Variants in PRKCE observed in about 807,000 individuals in gnomAD.
PRKCE encodes the protein protein kinase C epsilon, also known as protein kinase C epsilon type.
Under a neutral mutation model 85.4 loss-of-function variants are expected in PRKCE, and 16 were observed. The observed-to-expected ratio is 0.19, with a 90% CI of 0.13 to 0.28. The LOEUF is 0.28. Ranked by LOEUF, PRKCE falls within the 10% of genes least tolerant of loss-of-function variation. The probability of loss-of-function intolerance (pLI) is 1.00; values close to 1 mark genes in which losing one functional copy is unlikely to be tolerated. For synonymous variants in PRKCE, 388 were observed against 371.5 expected, an observed-to-expected ratio of 1.04 and a Z score of -0.51; for missense variants, 573 against 975.2, an observed-to-expected ratio of 0.59 and a Z score of 5.49.
intron 1 of PRKCE, among the ~76,000 whole-genome samples, chr2:45,691,598 C>T (rs1677730233): frequency 6.6e-6 from 1 of 152,196 alleles, no homozygotes; most frequent in African/African-American, 2.4e-5. Context: ...CTTGAAAGTG[C>T]ATCAGTATCA....
intron 11 of PRKCE, among the ~76,000 whole-genome samples, chr2:46,119,722 C>T (rs928627593): frequency 6.6e-6 from 1 of 152,150 alleles, no homozygotes; most frequent in Non-Finnish European, 1.5e-5. Flanking sequence ...TTGAGAAACA[C>T]GCATTGTTCC....
At chr2:46,126,400 A>G (rs930237638) in intron 11 of PRKCE, among the ~76,000 whole-genome samples, 40 of 152,206 alleles carry the variant, frequency 2.6e-4, no homozygotes, top group African/African-American at 9.4e-4. Context: ...GAGGAGGTAT[A>G]GTGCCTTGGA....
At chr2:45,743,669 T>C (rs1244405638) in intron 1 of PRKCE, among the ~76,000 whole-genome samples, 2 of 152,242 alleles carry the variant, frequency 1.3e-5, no homozygotes, top group South Asian at 2.1e-4. Flanking sequence ...ACATCCGTAT[T>C]GTGGGCGTGG....
chr2:45,981,951 A>C (rs955476506), intron 5 of PRKCE, among the ~76,000 whole-genome samples: 1 of 152,214 alleles, frequency 6.6e-6, no homozygotes, highest in African/African-American at 2.4e-5. Flanking sequence ...GAGATTTGAA[A>C]TGTTCAGAAC....
In PRKCE at chr2:45,769,972, G is replaced by A. The variant is rs575033347; in HGVS notation, c.349-73028G>A. ...GGTGCAGCAGGCACACGTGCACCCC[G>A]TACTGTCACTCACAGACACATGCCT... On this transcript the variant is annotated intron_variant, in intron 1 of 14. Coordinates refer to ENST00000306156, the MANE Select transcript of PRKCE (RefSeq NM_005400.3). Among the ~76,000 whole-genome samples, 21 of 152,340 alleles carry A rather than the reference G, an allele frequency of 1.4e-4. No individual in the cohort carries two copies. The East Asian group carries it at 2.1e-3, about 15-fold the overall frequency.
At chr2:46,107,514 A>G (rs1168482962) in intron 11 of PRKCE, among the ~76,000 whole-genome samples, 3 of 152,236 alleles carry the variant, frequency 2.0e-5, no homozygotes, top group South Asian at 2.1e-4. Flanking sequence ...TAAAGCTACT[A>G]TAAACACTCA....
chr2:46,074,699 G>A (rs1668397077), intron 10 of PRKCE, among the ~76,000 whole-genome samples: 1 of 152,218 alleles, frequency 6.6e-6, no homozygotes, highest in East Asian at 1.9e-4. Flanking sequence ...GGGCTGCGTA[G>A]GTTCTGTGTG....
chr2:46,187,576 AAAAT>A lies in PRKCE; in HGVS notation c.*2696_*2699del, dbSNP rs1680538266. ...TTCTCTCTCTCTCTCAAAGAAAAAA[AAAAT>A]GGGAGTGCAAAAAAAACAAAGCCAA... On this transcript the variant is annotated 3_prime_UTR_variant, in exon 15 of 15. Coordinates refer to ENST00000306156, the MANE Select transcript of PRKCE (RefSeq NM_005400.3). The A allele has an allele frequency of 6.6e-6, 1 of 152,448 alleles. No homozygotes were observed. The highest frequency in any genetic ancestry group is 1.5e-5 in the Non-Finnish European group (1 of 68,028). 9.4% of individuals were successfully genotyped at this position (152,448 alleles called of 1,614,324 possible).
intron 10 of PRKCE, among the ~76,000 whole-genome samples, chr2:46,035,713 A>T (rs1707817221): frequency 6.6e-6 from 1 of 152,076 alleles, no homozygotes; most frequent in South Asian, 2.1e-4. Flanking sequence ...TGTATATGGC[A>T]CGTTATATAT....
At chr2:46,031,101 T>A (rs930766750) in intron 10 of PRKCE, among the ~76,000 whole-genome samples, 3 of 152,128 alleles carry the variant, frequency 2.0e-5, no homozygotes, top group African/African-American at 7.2e-5. Flanking sequence ...TGGATTAGAG[T>A]GGGATAGCCA....
At chr2:45,820,996 A>G (rs962178692) in intron 1 of PRKCE, among the ~76,000 whole-genome samples, 4 of 152,030 alleles carry the variant, frequency 2.6e-5, no homozygotes, top group Non-Finnish European at 5.9e-5. Flanking sequence ...ATCACCTTAT[A>G]CAAGAGATTA....
intron 10 of PRKCE, among the ~76,000 whole-genome samples, chr2:46,033,122 A>G (rs1010899211): frequency 6.6e-6 from 1 of 152,224 alleles, no homozygotes; most frequent in South Asian, 2.1e-4. Flanking sequence ...AACATGTAGT[A>G]TTTACAAAGA....
intron 11 of PRKCE, among the ~76,000 whole-genome samples, chr2:46,116,133 C>G (rs921563261): frequency 1.3e-5 from 2 of 152,178 alleles, no homozygotes; most frequent in African/African-American, 4.8e-5. Flanking sequence ...CTTGTCTCCC[C>G]AACCAAATTG....
At chr2:45,887,430 T>C (rs1363105975) in intron 2 of PRKCE, among the ~76,000 whole-genome samples, 1 of 151,746 alleles carries the variant, frequency 6.6e-6, no homozygotes, top group Non-Finnish European at 1.5e-5. Flanking sequence ...GAGGAAGGGA[T>C]TTATTATAAG....
intron 1 of PRKCE, among the ~76,000 whole-genome samples, chr2:45,734,573 A>T (rs575230014): frequency 6.6e-6 from 1 of 152,304 alleles, no homozygotes; most frequent in East Asian, 1.9e-4. Context: ...TCTGACAAAC[A>T]CAAAAGGAGA....
chr2:45,749,340 C>T (rs1339255417), intron 1 of PRKCE, among the ~76,000 whole-genome samples: 1 of 152,146 alleles, frequency 6.6e-6, no homozygotes, highest in Non-Finnish European at 1.5e-5. Context: ...CAGCCCATAG[C>T]TGAGAGATGT....
intron 2 of PRKCE, among the ~76,000 whole-genome samples, chr2:45,856,326 G>A (rs1166253370): frequency 6.6e-6 from 1 of 152,144 alleles, no homozygotes; most frequent in African/African-American, 2.4e-5. Context: ...TGCCTCTCAG[G>A]TTCGAGTAAT....
chr2:45,870,460 A>G (rs909480842), intron 2 of PRKCE, among the ~76,000 whole-genome samples: 5 of 152,258 alleles, frequency 3.3e-5, no homozygotes. Context: ...GTATTTTAAC[A>G]TCAGCTATTG....
At chr2:46,181,258 C>T (rs1410301904) in intron 14 of PRKCE, among the ~76,000 whole-genome samples, 2 of 152,160 alleles carry the variant, frequency 1.3e-5, no homozygotes, top group African/African-American at 4.8e-5. Context: ...GAGATGTTTG[C>T]TTTGGAAAAC....
Sources: gnomAD v4.1 joint callset for allele counts (sites outside exome capture counted in the v4.1 genomes callset) on GRCh38, gnomAD v4.1.1 for gene constraint, MANE v1.5 for transcripts, NCBI Gene and HGNC (gene_info 2026-07-23, HGNC 2026-07-21) for gene names.